Variants in STK32B observed in about 807,000 individuals in gnomAD.
STK32B encodes the protein serine/threonine-protein kinase 32B.
Under a neutral mutation model 52.6 loss-of-function variants are expected in STK32B, and 43 were observed. The ratio of observed to expected loss-of-function variants is 0.82; its 90% CI spans 0.64 to 1.05. The LOEUF (loss-of-function observed/expected upper bound fraction) is 1.05. Among genes scored for constraint, STK32B ranks in the 50% least tolerant of loss-of-function variants. The pLI, the probability that STK32B is intolerant of heterozygous loss-of-function variation, is 0.00. For synonymous variants in STK32B, 238 were observed against 204.3 expected (o/e 1.17, Z -1.41); for missense variants, 621 against 534.6 (o/e 1.16, Z -1.59).
intron 1 of STK32B, among the ~76,000 whole-genome samples, chr4:5,069,101 T>C (rs914644213): frequency 1.3e-5 from 2 of 152,172 alleles, no homozygotes; most frequent in African/African-American, 4.8e-5. Flanking sequence ...ATGGCAGTTG[T>C]ACAGATGCAG....
At chr4:5,138,273 C>T (rs1034563956) in intron 1 of STK32B, among the ~76,000 whole-genome samples, 8 of 152,214 alleles carry the variant, frequency 5.3e-5, no homozygotes, top group African/African-American at 1.9e-4. Flanking sequence ...GGCAGGGACA[C>T]AACTCAGCAT....
intron 1 of STK32B, among the ~76,000 whole-genome samples, chr4:5,079,175 C>G (rs1412330871): frequency 6.6e-6 from 1 of 152,120 alleles, no homozygotes; most frequent in East Asian, 1.9e-4. Context: ...CTGCAGAATA[C>G]TCCATCATTG....
rs180840831 is a variant in STK32B at position 5,301,699 on chromosome 4, T to C, written c.261-29521T>C. Among the ~76,000 whole-genome samples the C allele has an allele frequency of 2.9e-3, 438 of 150,554 alleles. 3 individuals are homozygous for C. Among genetic ancestry groups the C allele is most frequent in the African/African-American group, 0.01 (417 of 41,170 alleles). Reference sequence around the variant, plus strand: ...TTTTTGGACAGTCTAGCTAAAGTTTTGTAATTTTTGTCACTTTTCCAAAGA... The same window carrying C: ...TTTTTGGACAGTCTAGCTAAAGTTTCGTAATTTTTGTCACTTTTCCAAAGA... On this transcript the variant is annotated intron_variant, in intron 3 of 11. Coordinates refer to ENST00000282908, the MANE Select transcript of STK32B (RefSeq NM_018401.3).
At chr4:5,177,878 T>A (rs1275555616) in intron 3 of STK32B, among the ~76,000 whole-genome samples, 2 of 152,238 alleles carry the variant, frequency 1.3e-5, no homozygotes, top group African/African-American at 4.8e-5. Flanking sequence ...TGGGCAGCTC[T>A]GCCTCTGTGG....
rs971771271 is a variant in STK32B at position 5,058,724 on chromosome 4, GTTTA to G, written c.52+6821_52+6824del. 2.0e-5 allele frequency among the ~76,000 whole-genome samples: 3 copies of G among 151,840 alleles called. No homozygotes were observed. Among genetic ancestry groups the G allele is most frequent in the African/African-American group, 7.3e-5 (3 of 41,350 alleles). ...AGGAACACACCACCATGCCCTGCTA[GTTTA>G]TTTATTTATTTTTTATTTATTTTAC... On this transcript the variant is annotated intron_variant, in intron 1 of 11. Transcript: ENST00000282908. This position sits in a 1 kb window ranked among gnomAD's most constrained non-coding sequence, Gnocchi z 4.8.
chr4:5,302,901 T>C (rs1419010207), intron 3 of STK32B, among the ~76,000 whole-genome samples: 3 of 152,176 alleles, frequency 2.0e-5, no homozygotes, highest in African/African-American at 7.2e-5. Context: ...ATGGTCTCCG[T>C]TACCATCCAG....
In STK32B at chr4:5,446,786, G is replaced by T. The variant is rs768573825; in HGVS notation, c.666+10G>T. 7 of 1,613,536 alleles carry T rather than the reference G, an allele frequency of 4.3e-6. No individual in the cohort carries two copies. In the South Asian group the frequency reaches 7.7e-5, roughly 18 times the overall value. On this transcript the variant is annotated intron_variant, in intron 7 of 11. Transcript: ENST00000282908. ...GCTGCTGCGGGGCTGGGTAAGACAG[G>T]CACCTGTGCGGTACACACGAGGGGC...
chr4:5,102,624 C>A (rs903864542), intron 1 of STK32B, among the ~76,000 whole-genome samples: 1 of 151,488 alleles, frequency 6.6e-6, no homozygotes, highest in African/African-American at 2.4e-5. Flanking sequence ...CTCCGCCTCC[C>A]GAGTTCAAGC....
At chr4:5,105,864 A>G (rs1265993897) in intron 1 of STK32B, among the ~76,000 whole-genome samples, 4 of 151,960 alleles carry the variant, frequency 2.6e-5, no homozygotes, top group African/African-American at 9.7e-5. Context: ...CGCCCGGCTG[A>G]ACAGATGTTC....
intron 2 of STK32B, among the ~76,000 whole-genome samples, chr4:5,154,794 A>T (rs1717661730): frequency 6.6e-6 from 1 of 152,140 alleles, no homozygotes. Flanking sequence ...GGTGCCCAAC[A>T]TGTGGTAAAG....
intron 1 of STK32B, among the ~76,000 whole-genome samples, chr4:5,073,766 T>TTTTA (rs915675101): frequency 1.2e-4 from 19 of 152,074 alleles, no homozygotes; most frequent in African/African-American, 3.4e-4. Context: ...CAGTTGACTT[T>TTTTA]TTTATTTATT....
intron 5 of STK32B, among the ~76,000 whole-genome samples, chr4:5,402,740 C>T (rs1737387827): frequency 6.6e-6 from 1 of 152,184 alleles, no homozygotes; most frequent in Non-Finnish European, 1.5e-5. Flanking sequence ...GCAGCCAAGG[C>T]TGTGGGAGGA....
intron 1 of STK32B, among the ~76,000 whole-genome samples, chr4:5,089,202 CA>C (rs1712910052): frequency 6.7e-6 from 1 of 149,688 alleles, no homozygotes; most frequent in Non-Finnish European, 1.5e-5. Flanking sequence ...ATCTAATAGA[CA>C]AATTTCTTTT....
At chr4:5,264,746 C>T (rs536090333) in intron 3 of STK32B, among the ~76,000 whole-genome samples, 326 of 152,032 alleles carry the variant, frequency 2.1e-3, no homozygotes, top group African/African-American at 7.3e-3. Flanking sequence ...AAGATTGCGC[C>T]ACTGCACTCC....
intron 6 of STK32B, chr4:5,438,162 C>T (rs1714282962): frequency 1.4e-5 from 14 of 981,040 alleles, no homozygotes; most frequent in Non-Finnish European, 1.6e-5. Context: ...TGGGCTGGCC[C>T]AGCATGAAGG....
intron 3 of STK32B, among the ~76,000 whole-genome samples, chr4:5,317,281 T>G (rs1295717156): frequency 1.7e-5 from 1 of 57,618 alleles, no homozygotes; most frequent in Non-Finnish European, 2.7e-5. Flanking sequence ...ATATATAACA[T>G]ATAACATATA....
chr4:5,380,270 C>T lies in STK32B; in HGVS notation c.435-17937C>T, dbSNP rs916309810. ...CAGAGCAACCCCATCCCCATGGCCACGCACACCCTGATCTATTTAATCCAG... is the reference window on the plus strand; with the variant it reads ...CAGAGCAACCCCATCCCCATGGCCATGCACACCCTGATCTATTTAATCCAG... On this transcript the variant is annotated intron_variant, in intron 4 of 11. Coordinates refer to ENST00000282908, the MANE Select transcript of STK32B (RefSeq NM_018401.3). The surrounding 1 kb of genome is among the most constrained non-coding windows in gnomAD (Gnocchi z 4.3). 1.3e-5 allele frequency among the ~76,000 whole-genome samples: 2 copies of T among 152,172 alleles called. No individual in the cohort carries two copies. The highest frequency in any genetic ancestry group is 2.9e-5 in the Non-Finnish European group (2 of 68,038).
rs137962806 is a variant in STK32B, at chr4:5,130,923, T to G, written c.53-8982T>G. 2.0e-5 allele frequency among the ~76,000 whole-genome samples: 3 copies of G among 152,308 alleles called. No individual in the cohort carries two copies. In the East Asian group the frequency reaches 5.8e-4, roughly 29 times the overall value. ...TGGGAAATTTTTGTTATTCCTCATG[T>G]ATATGCTCAGTGTCTTGTGCTTTTC... On this transcript the variant is annotated intron_variant, in intron 1 of 11. Coordinates refer to ENST00000282908, the MANE Select transcript of STK32B (RefSeq NM_018401.3).
intron 4 of STK32B, among the ~76,000 whole-genome samples, chr4:5,357,720 G>A (rs1392661956): frequency 8.1e-6 from 1 of 123,194 alleles, no homozygotes; most frequent in Non-Finnish European, 1.6e-5. Context: ...TCTGGTGTTA[G>A]TATGTTGTCT....
Sources: gnomAD v4.1 joint callset for allele counts (sites outside exome capture counted in the v4.1 genomes callset) on GRCh38, gnomAD v4.1.1 for gene constraint, Gnocchi (gnomAD v3.1) non-coding constraint, MANE v1.5 for transcripts, NCBI Gene and HGNC (gene_info 2026-07-23, HGNC 2026-07-21) for gene names.